The following SLC25A4 variants were observed in gnomAD, a reference collection of about 807,000 sequenced individuals.
SLC25A4 encodes solute carrier family 25 member 4, also known as ADP/ATP translocase 1.
In SLC25A4, 10 loss-of-function variants were observed where a neutral mutation model predicts 24.7. The ratio of observed to expected loss-of-function variants is 0.41; its 90% CI spans 0.25 to 0.69. SLC25A4 has a LOEUF of 0.69. SLC25A4 is among the 30% of genes least tolerant of loss of function. The pLI is 0.35. For missense variants in SLC25A4, 273 were observed against 387.6 expected, an observed-to-expected ratio of 0.70 and a Z score of 2.48; for synonymous variants, 125 against 153.3, an observed-to-expected ratio of 0.82 and a Z score of 1.36.
Position 185,143,286 on chromosome 4 carries a change from G to A in SLC25A4, c.-87G>A. ...GCGGCGGCCCCCTAGCGTCGCGCAG[G>A]GTCGGGGACTGCGCGGCGGTGCCAG... On this transcript the variant is annotated 5_prime_UTR_variant, in exon 1 of 4. Transcript: ENST00000281456. 1 of 712,406 alleles carries A rather than the reference G, an allele frequency of 1.4e-6. No homozygotes were observed. The highest frequency in any genetic ancestry group is 2.4e-6 in the Non-Finnish European group (1 of 419,422). 44.1% of individuals were successfully genotyped at this position (712,406 alleles called of 1,614,324 possible). A position where few individuals can be genotyped will look rare whatever the true frequency, so the allele number is the denominator to read the frequency against.
In SLC25A4 at chr4:185,144,797, A is replaced by C. The variant is rs764843408; in HGVS notation, c.145A>C (p.Lys49Gln). Residue 49 changes from lysine (K) to glutamine (Q), a missense_variant, in exon 2 of 4, where the codon AAG (lysine) becomes CAG (glutamine). Coordinates refer to ENST00000281456, the MANE Select transcript of SLC25A4 (RefSeq NM_001151.4). The stretch of plus-strand genomic sequence containing the variant: ...TGCCAGCAAACAGATCAGTGCTGAG[A>C]AGCAGTACAAAGGGATCATTGATTG... Reference protein sequence around the residue: ...QHASKQISAEKQYKGIIDCVV... With the variant: ...QHASKQISAEQQYKGIIDCVV... 6.2e-7 allele frequency: 1 copy of C among 1,614,046 alleles called. No homozygotes were observed. Among genetic ancestry groups the C allele is most frequent in the Non-Finnish European group, 8.5e-7 (1 of 1,180,018 alleles).
chr4:185,146,729 G>A (rs1734448036), intron 3 of SLC25A4, 85 bp from the exon 4 acceptor site: 1 of 1,504,950 alleles, frequency 6.6e-7, no homozygotes, highest in East Asian at 2.3e-5. Flanking sequence ...TTATAAAACT[G>A]GTAACAGTGT....
chr4:185,145,729 A>T lies in SLC25A4; in HGVS notation c.599-30A>T. ...TTTCTGCTGAGAACAGGCACTTCAT[A>T]GCCGTTCGGCTTCTGGGCTCTGTCC... On this transcript the variant is annotated intron_variant, in intron 2 of 3. Transcript: ENST00000281456. The surrounding 1 kb of genome is among the most constrained non-coding windows in gnomAD (Gnocchi z 5.5). 1 of 1,614,044 alleles carries T rather than the reference A, an allele frequency of 6.2e-7. No homozygotes were observed. The highest frequency in any genetic ancestry group is 8.5e-7 in the Non-Finnish European group (1 of 1,179,926).
intron 1 of SLC25A4, among the ~76,000 whole-genome samples, 164 bp from the exon 2 acceptor site, chr4:185,144,600 T>C (rs1734403898): frequency 6.6e-6 from 1 of 152,164 alleles, no homozygotes; most frequent in South Asian, 2.1e-4. Flanking sequence ...GTAACTAACA[T>C]GGATAACAGT....
In SLC25A4 at chr4:185,145,888, G is replaced by A. The variant is rs867342614; in HGVS notation, c.728G>A (p.Gly243Asp). 2 of 1,614,168 alleles carry A rather than the reference G, an allele frequency of 1.2e-6. No individual in the cohort carries two copies. The highest frequency in any genetic ancestry group is 3.3e-4 in the Middle Eastern group (2 of 6,062). The change falls in exon 3 of 4, where the codon GGC becomes GAC. Residue 243 changes from glycine (G) to aspartate (D), a missense_variant. Physicochemically the swap from Gly to Asp is moderately conservative, Grantham distance 94 (BLOSUM62 -1). Coordinates refer to ENST00000281456, the MANE Select transcript of SLC25A4 (RefSeq NM_001151.4). The surrounding 1 kb of genome is among the most constrained non-coding windows in gnomAD (Gnocchi z 5.5). ...TVRRRMMMQS[G>D]RKGADIMYTG... ...CGTCGTAGAATGATGATGCAGTCCGGCCGGAAAGGGGGTAAGCTTGTGCTC... is the reference window on the plus strand; with the variant it reads ...CGTCGTAGAATGATGATGCAGTCCGACCGGAAAGGGGGTAAGCTTGTGCTC...
In SLC25A4 at chr4:185,145,259, G is replaced by A. The variant is rs753651262; in HGVS notation, c.598+9G>A. 4 of 1,613,784 alleles carry A rather than the reference G, an allele frequency of 2.5e-6. No homozygotes were observed. The African/African-American group carries it at 5.3e-5, about 22-fold the overall frequency. ...CTATGATACTGCCAAGGGTGAGAGA[G>A]GGGCATCGGGGAGAAGGAGGGTGGT... is the stretch of plus-strand genomic sequence containing the variant. On this transcript the variant is annotated intron_variant, in intron 2 of 3. Transcript: ENST00000281456. The surrounding 1 kb of genome is among the most constrained non-coding windows in gnomAD (Gnocchi z 5.5).
rs553719520 is a variant in SLC25A4 at position 185,149,473 on chromosome 4, C to G, written c.*2502C>G. 6.6e-6 allele frequency: 1 copy of G among 152,434 alleles called. No homozygotes were observed. Among genetic ancestry groups the G allele is most frequent in the African/African-American group, 2.4e-5 (1 of 41,578 alleles). The allele number at this position is 152,434 out of a possible 1,614,324, so 9.4% of individuals were successfully genotyped here. A position where few individuals can be genotyped will look rare whatever the true frequency, so the allele number is the denominator to read the frequency against. The stretch of plus-strand genomic sequence containing the variant: ...AAGGTTACCTCTAATGCACGTTGCC[C>G]CAGGCCCTGCTGAGCTAGTTCCTCA... On this transcript the variant is annotated 3_prime_UTR_variant, in exon 4 of 4. Transcript: ENST00000281456.
rs755103744 is a variant in SLC25A4, at chr4:185,149,265, G to A, written c.*2294G>A. 2.0e-5 allele frequency: 3 copies of A among 152,224 alleles called. No individual in the cohort carries two copies. Among genetic ancestry groups the A allele is most frequent in the South Asian group, 2.1e-4 (1 of 4,818 alleles). 9.4% of individuals were successfully genotyped at this position (152,224 alleles called of 1,614,324 possible). ...TCCAAGCAGGGCCCAAGTTTAGGAG[G>A]AGGAAGACCTGATACAATGAATGAA... On this transcript the variant is annotated 3_prime_UTR_variant, in exon 4 of 4. Coordinates refer to ENST00000281456, the MANE Select transcript of SLC25A4 (RefSeq NM_001151.4).
intron 3 of SLC25A4, 107 bp from the exon 4 acceptor site, chr4:185,146,707 A>G: frequency 7.5e-7 from 1 of 1,324,600 alleles, no homozygotes; most frequent in Admixed American, 1.7e-5. Context: ...CCATGCCCAG[A>G]TGACCCTGAT....
Position 185,143,269 on chromosome 4 carries a change from C to A in SLC25A4, c.-104C>A. On this transcript the variant is annotated 5_prime_UTR_variant, in exon 1 of 4. Transcript: ENST00000281456. The stretch of plus-strand genomic sequence containing the variant: ...GGGGAGCTGCGGGCCAGGCGGCGGC[C>A]CCCTAGCGTCGCGCAGGGTCGGGGA... The A allele has an allele frequency of 1.7e-6, 1 of 606,044 alleles. No homozygotes were observed. Among genetic ancestry groups the A allele is most frequent in the South Asian group, 1.8e-5 (1 of 55,524 alleles). 37.5% of individuals were successfully genotyped at this position (606,044 alleles called of 1,614,324 possible).
At position 185,146,849 on chromosome 4, in the gene SLC25A4, AG is replaced by A. The variant is rs1734450565; in HGVS notation, c.777del (p.Lys260ArgfsTer20). 6.2e-7 allele frequency: 1 copy of A among 1,614,094 alleles called. No individual in the cohort carries two copies. Among genetic ancestry groups the A allele is most frequent in the Non-Finnish European group, 8.5e-7 (1 of 1,180,038 alleles). ...IMYTGTVDCWRKIAKDEGAKA... is the reference protein window; with the variant it reads ...IMYTGTVDCWXKIAKDEGAKA... The stretch of plus-strand genomic sequence containing the variant: ...GTACACGGGGACAGTTGACTGCTGG[AG>A]GAAGATTGCAAAAGACGAAGGAGCC... On this transcript the variant is annotated frameshift_variant, in exon 4 of 4. Transcript: ENST00000281456. LOFTEE classifies it high-confidence loss of function.
chr4:185,144,663 C>CA lies in SLC25A4; in HGVS notation c.112-91dup, dbSNP rs111595982. ...TTGATTTCCTCATCCTTTTTTTCTT[C>CA]AAAAAAAAAATCTAGGAAGTGCAAA... is the stretch of plus-strand genomic sequence containing the variant. On this transcript the variant is annotated intron_variant, in intron 1 of 3. Coordinates refer to ENST00000281456, the MANE Select transcript of SLC25A4 (RefSeq NM_001151.4). 0.089 allele frequency: 90,939 copies of CA among 1,019,896 alleles called. 2,343 individuals carry two copies. The highest frequency in any genetic ancestry group is 0.17 in the Middle Eastern group (534 of 3,116). 63.2% of individuals were successfully genotyped at this position (1,019,896 alleles called of 1,614,324 possible).
At position 185,145,566 on chromosome 4, in the gene SLC25A4, C is replaced by A; in HGVS notation, c.599-193C>A. 1 of 702,536 alleles carries A rather than the reference C, an allele frequency of 1.4e-6. No homozygotes were observed. Among genetic ancestry groups the A allele is most frequent in the Non-Finnish European group, 2.3e-6 (1 of 427,782 alleles). 43.5% of individuals were successfully genotyped at this position (702,536 alleles called of 1,614,324 possible). On this transcript the variant is annotated intron_variant, in intron 2 of 3. Transcript: ENST00000281456. The surrounding 1 kb of genome is among the most constrained non-coding windows in gnomAD (Gnocchi z 5.5). Reference sequence around the variant, plus strand: ...TGCCCTGTATACAAGCTGAGCACTGCCCCTCCGGGGTCCGGAGAGGGCAGC... The same window carrying A: ...TGCCCTGTATACAAGCTGAGCACTGACCCTCCGGGGTCCGGAGAGGGCAGC...
Position 185,145,475 on chromosome 4 carries a change from G to A in SLC25A4, c.598+225G>A. ...CTTTAGTTATTCAGAGAGGAGGAGG[G>A]GGGAGCCTGTCTCCCTCTAGACACA... On this transcript the variant is annotated intron_variant, in intron 2 of 3. Transcript: ENST00000281456. The surrounding 1 kb of genome is among the most constrained non-coding windows in gnomAD (Gnocchi z 5.5). 1 of 722,068 alleles carries A rather than the reference G, an allele frequency of 1.4e-6. No homozygotes were observed. The highest frequency in any genetic ancestry group is 1.9e-5 in the South Asian group (1 of 52,788). 44.7% of individuals were successfully genotyped at this position (722,068 alleles called of 1,614,324 possible).
chr4:185,145,456 T>C lies in SLC25A4; in HGVS notation c.598+206T>C. On this transcript the variant is annotated intron_variant, in intron 2 of 3. Coordinates refer to ENST00000281456, the MANE Select transcript of SLC25A4 (RefSeq NM_001151.4). The surrounding 1 kb of genome is among the most constrained non-coding windows in gnomAD (Gnocchi z 5.5). ...TACTGAAATAAACTCTGGCCTTTAG[T>C]TATTCAGAGAGGAGGAGGGGGGAGC... The C allele has an allele frequency of 1.3e-6, 1 of 792,620 alleles. No individual in the cohort carries two copies. The highest frequency in any genetic ancestry group is 2.0e-6 in the Non-Finnish European group (1 of 508,046). 49.1% of individuals were successfully genotyped at this position (792,620 alleles called of 1,614,324 possible). A position where few individuals can be genotyped will look rare whatever the true frequency, so the allele number is the denominator to read the frequency against.
Position 185,145,404 on chromosome 4 carries a change from A to C in SLC25A4, c.598+154A>C. 8.7e-7 allele frequency: 1 copy of C among 1,154,468 alleles called. No homozygotes were observed. Among genetic ancestry groups the C allele is most frequent in the South Asian group, 1.4e-5 (1 of 71,536 alleles). The allele number at this position is 1,154,468 out of a possible 1,614,324, so 71.5% of individuals were successfully genotyped here. ...AATGAGGAGGTGATGTGCATAAGTT[A>C]ATAGCTGAAGCGTTCCTTGTGTCCT... On this transcript the variant is annotated intron_variant, in intron 2 of 3. Coordinates refer to ENST00000281456, the MANE Select transcript of SLC25A4 (RefSeq NM_001151.4). The surrounding 1 kb of genome is among the most constrained non-coding windows in gnomAD (Gnocchi z 5.5).
chr4:185,145,652 C>T lies in SLC25A4; in HGVS notation c.599-107C>T. On this transcript the variant is annotated intron_variant, in intron 2 of 3. Transcript: ENST00000281456. This position sits in a 1 kb window ranked among gnomAD's most constrained non-coding sequence, Gnocchi z 5.5. ...CACCTGCACAGGGGCAGGTTCCCCG[C>T]AAGGTCAGAGCATGGAGCTGGAGGT... is the stretch of plus-strand genomic sequence containing the variant. The T allele has an allele frequency of 7.0e-7, 1 of 1,420,250 alleles. No individual in the cohort carries two copies. The highest frequency in any genetic ancestry group is 9.8e-7 in the Non-Finnish European group (1 of 1,024,456). The allele number at this position is 1,420,250 out of a possible 1,614,324, so 88.0% of individuals were successfully genotyped here.
Position 185,143,485 on chromosome 4 carries a change from T to G in SLC25A4, c.111+2T>G. 7.0e-7 allele frequency: 1 copy of G among 1,435,152 alleles called. No individual in the cohort carries two copies. Among genetic ancestry groups the G allele is most frequent in the Non-Finnish European group, 9.3e-7 (1 of 1,079,372 alleles). The allele number at this position is 1,435,152 out of a possible 1,614,324, so 88.9% of individuals were successfully genotyped here. On this transcript the variant is annotated splice_donor_variant, in intron 1 of 3. Transcript: ENST00000281456. LOFTEE classifies it high-confidence loss of function. Reference sequence around the variant, plus strand: ...GAGAGGGTCAAACTGCTGCTGCAGGTGAGGACCGCGCGGTGCAAGAGGCGG... The same window carrying G: ...GAGAGGGTCAAACTGCTGCTGCAGGGGAGGACCGCGCGGTGCAAGAGGCGG...
chr4:185,147,953 C>G lies in SLC25A4; in HGVS notation c.*982C>G, dbSNP rs569936292. ...TGAGATGGCATGCCACCACATCCATCCTAAGCGACAGGGCAAGACTCTGTC... is the reference window on the plus strand; with the variant it reads ...TGAGATGGCATGCCACCACATCCATGCTAAGCGACAGGGCAAGACTCTGTC... On this transcript the variant is annotated 3_prime_UTR_variant, in exon 4 of 4. Coordinates refer to ENST00000281456, the MANE Select transcript of SLC25A4 (RefSeq NM_001151.4). 2 of 151,606 alleles carry G rather than the reference C, an allele frequency of 1.3e-5. No individual in the cohort carries two copies. Among genetic ancestry groups the G allele is most frequent in the South Asian group, 4.2e-4 (2 of 4,758 alleles). The allele number at this position is 151,606 out of a possible 1,614,324, so 9.4% of individuals were successfully genotyped here.
Sources: allele counts gnomAD v4.1 joint callset (sites outside exome capture counted in the v4.1 genomes callset), GRCh38; gene constraint gnomAD v4.1.1; non-coding constraint Gnocchi (gnomAD v3.1); transcripts MANE v1.5; gene names NCBI Gene and HGNC (gene_info 2026-07-23, HGNC 2026-07-21).